PTGR2: variants seen among roughly 807,000 people sequenced by gnomAD.
PTGR2 encodes prostaglandin reductase 2, also known as 15-oxoprostaglandin 13-reductase.
PTGR2 carries 32 observed loss-of-function variants against 43.4 expected under a neutral mutation model. The ratio of observed to expected loss-of-function variants is 0.74; its 90% confidence interval spans 0.56 to 0.99. The LOEUF (loss-of-function observed/expected upper bound fraction) is 0.99, where lower values mean the gene tolerates loss of function less well. PTGR2 is among the 50% of genes least tolerant of loss of function. PTGR2 has a pLI of 0.00. For missense variants in PTGR2, 373 were observed against 420.0 expected, an observed-to-expected ratio of 0.89 and a Z score of 0.98; for synonymous variants, 106 against 139.2, an observed-to-expected ratio of 0.76 and a Z score of 1.68.
At chr14:73,879,048 T>G in intron 5 of PTGR2, 48 bp from the exon 6 acceptor site, 1 of 1,482,000 alleles carries the variant, frequency 6.7e-7, no homozygotes, top group Non-Finnish European at 9.4e-7. Context: ...ATTTTTACAT[T>G]TAAATGTGAC....
rs555294620 is a variant in PTGR2 at position 73,855,293 on chromosome 14, A to G, written c.-48+3350A>G. The stretch of plus-strand genomic sequence containing the variant: ...AATAATGGCATAGTGTTTATGTTTA[A>G]ATCTGTGATGGCTGGGTTATAGTCA... On this transcript the variant is annotated intron_variant, in intron 1 of 9. Coordinates refer to ENST00000555661, the MANE Select transcript of PTGR2 (RefSeq NM_001146154.2). 2.0e-3 allele frequency among the ~76,000 whole-genome samples: 299 copies of G among 152,252 alleles called. 2 individuals carry two copies. Among genetic ancestry groups the G allele is most frequent in the African/African-American group, 6.9e-3 (285 of 41,552 alleles).
intron 3 of PTGR2, among the ~76,000 whole-genome samples, chr14:73,865,083 T>G (rs2054572931): frequency 6.6e-6 from 1 of 151,942 alleles, no homozygotes; most frequent in South Asian, 2.1e-4. Context: ...CACATATATA[T>G]GAGAGGGGAC....
chr14:73,873,794 T>A, intron 3 of PTGR2, among the ~76,000 whole-genome samples: 1 of 152,176 alleles, frequency 6.6e-6, no homozygotes, highest in Non-Finnish European at 1.5e-5. Context: ...CAATACATTG[T>A]TAGCCACTGT....
chr14:73,868,829 C>T (rs1219815233), intron 3 of PTGR2, among the ~76,000 whole-genome samples: 5 of 152,084 alleles, frequency 3.3e-5, no homozygotes, highest in Non-Finnish European at 7.4e-5. Flanking sequence ...CTTCCTTGCT[C>T]CTTTGCCCTC....
intron 8 of PTGR2, 46 bp from the exon 9 acceptor site, chr14:73,882,353 A>C (rs2055009646): frequency 8.6e-7 from 1 of 1,160,304 alleles, no homozygotes; most frequent in Non-Finnish European, 1.3e-6. Context: ...TCATATAGAA[A>C]CATTGAAGTT....
intron 3 of PTGR2, among the ~76,000 whole-genome samples, chr14:73,873,178 A>G (rs1192169427): frequency 1.3e-5 from 2 of 149,262 alleles, no homozygotes; most frequent in Admixed American, 6.7e-5. Flanking sequence ...ATGTTGGCAC[A>G]TGCCTCTAAT....
intron 6 of PTGR2, chr14:73,879,817 A>G (rs1408464480): frequency 2.2e-6 from 1 of 456,794 alleles, no homozygotes; most frequent in African/African-American, 2.0e-5. Context: ...ATAAGTAGCA[A>G]CAACAACTAA....
intron 6 of PTGR2, chr14:73,879,571 A>G (rs2054935836): frequency 1.0e-5 from 4 of 396,840 alleles, no homozygotes; most frequent in Admixed American, 4.4e-5. Flanking sequence ...GAAAAATTAC[A>G]GTTGCATTGT....
chr14:73,883,708 ACTC>A (rs2140281483), intron 9 of PTGR2, among the ~76,000 whole-genome samples: 2 of 150,302 alleles, frequency 1.3e-5, no homozygotes, highest in South Asian at 4.2e-4. Context: ...CTGGTCTTAA[ACTC>A]CTGACTTCAA....
intron 3 of PTGR2, among the ~76,000 whole-genome samples, chr14:73,869,775 C>T (rs2140255062): frequency 6.6e-6 from 1 of 152,026 alleles, no homozygotes; most frequent in African/African-American, 2.4e-5. Context: ...CTGGTAATCC[C>T]AGCATTTTGG....
intron 4 of PTGR2, among the ~76,000 whole-genome samples, 164 bp from the exon 5 acceptor site, chr14:73,876,834 T>C (rs2054876884): frequency 6.6e-6 from 1 of 152,158 alleles, no homozygotes; most frequent in African/African-American, 2.4e-5. Flanking sequence ...CAATCCTAAA[T>C]GTCTCCTTTA....
chr14:73,875,035 T>C (rs1291241809), intron 4 of PTGR2, among the ~76,000 whole-genome samples: 1 of 152,146 alleles, frequency 6.6e-6, no homozygotes, highest in East Asian at 1.9e-4. Flanking sequence ...ATTTTTTTTA[T>C]TTTTAGTAGA....
At chr14:73,869,406 C>G (rs2054672811) in intron 3 of PTGR2, among the ~76,000 whole-genome samples, 1 of 151,496 alleles carries the variant, frequency 6.6e-6, no homozygotes, top group Admixed American at 6.6e-5. Flanking sequence ...TAAGGTGCAC[C>G]AGCCACTCTG....
chr14:73,862,793 G>A (rs1293129691), intron 3 of PTGR2, among the ~76,000 whole-genome samples: 2 of 151,902 alleles, frequency 1.3e-5, no homozygotes, highest in Non-Finnish European at 2.9e-5. Flanking sequence ...CTGCAGCCTC[G>A]ACCTCCTGGG....
Position 73,880,103 on chromosome 14 carries a change from A to T in PTGR2, c.778A>T (p.Asn260Tyr). The change falls in exon 7 of 10, where the codon AAC becomes TAC. Residue 260 changes from asparagine (N) to tyrosine (Y), a missense_variant. Coordinates refer to ENST00000555661, the MANE Select transcript of PTGR2 (RefSeq NM_001146154.2). ...IILCGQISQY[N>Y]KDVPYPPPLS... ...CCTGTGTGGTCAAATTTCTCAGTAC[A>T]ACAAAGATGTGCCTTATCCTCCCCC... The T allele has an allele frequency of 1.2e-6, 2 of 1,613,924 alleles. No individual in the cohort carries two copies. Among genetic ancestry groups the T allele is most frequent in the Non-Finnish European group, 1.7e-6 (2 of 1,179,846 alleles).
intron 3 of PTGR2, among the ~76,000 whole-genome samples, chr14:73,862,716 A>C (rs1245679687): frequency 6.6e-6 from 1 of 151,980 alleles, no homozygotes; most frequent in Non-Finnish European, 1.5e-5. Context: ...CATTTTATTA[A>C]TTTTTAACTT....
chr14:73,864,566 G>A (rs969947760), intron 3 of PTGR2, among the ~76,000 whole-genome samples: 1 of 152,090 alleles, frequency 6.6e-6, no homozygotes, highest in Non-Finnish European at 1.5e-5. Context: ...TTTTTAATGT[G>A]CTTATTGGTC....
At chr14:73,867,117 CAAAA>C (rs71115924) in intron 3 of PTGR2, among the ~76,000 whole-genome samples, 2 of 133,788 alleles carry the variant, frequency 1.5e-5, no homozygotes, top group African/African-American at 2.7e-5. Context: ...AACAAAAAAA[CAAAA>C]AAAAGAAGAA....
intron 3 of PTGR2, among the ~76,000 whole-genome samples, chr14:73,862,554 G>A (rs2054517553): frequency 6.6e-6 from 1 of 152,110 alleles, no homozygotes. Flanking sequence ...ATATAAAGTA[G>A]GAAGTGAAAG....
Sources: allele counts gnomAD v4.1 joint callset (sites outside exome capture counted in the v4.1 genomes callset), GRCh38; gene constraint gnomAD v4.1.1; transcripts MANE v1.5; gene names NCBI Gene and HGNC (gene_info 2026-07-23, HGNC 2026-07-21).